The following MME variants were observed in gnomAD, a reference collection of about 807,000 sequenced individuals.
MME encodes the protein neprilysin.
In MME, 98 loss-of-function variants were observed where a neutral mutation model predicts 113.2. That is an observed-to-expected ratio of 0.87 (90% CI 0.74 to 1.02). MME has a LOEUF of 1.02. MME is among the 50% of genes least tolerant of loss of function. MME has a pLI of 0.00. For synonymous variants in MME, 292 were observed against 300.6 expected, an observed-to-expected ratio of 0.97 and a Z score of 0.30; for missense variants, 836 against 896.0, an observed-to-expected ratio of 0.93 and a Z score of 0.86.
chr3:155,092,703 G>A (rs180875344), intron 3 of MME, among the ~76,000 whole-genome samples: 12 of 152,264 alleles, frequency 7.9e-5, no homozygotes, highest in Non-Finnish European at 1.6e-4. Context: ...ATGTGCAATG[G>A]TGTAGATAAA....
Position 155,168,644 on chromosome 3 carries a change from C to T in MME, c.1914+19C>T. On this transcript the variant is annotated intron_variant, in intron 19 of 22. Transcript: ENST00000360490. ...ACAGCACGTATGTCATTAGCATTCT[C>T]TTGAAAAGTTTTAGACATGTTCAAT... 6.2e-7 allele frequency: 1 copy of T among 1,613,682 alleles called. No homozygotes were observed. The highest frequency in any genetic ancestry group is 8.5e-7 in the Non-Finnish European group (1 of 1,179,776).
At chr3:155,056,872 T>C (rs181620522) in intron 1 of MME, among the ~76,000 whole-genome samples, 2,005 of 152,132 alleles carry the variant, frequency 0.013, 44 homozygotes, top group African/African-American at 0.046. Flanking sequence ...ATAAATGGTG[T>C]TGGGAAAACT....
At chr3:155,160,238 C>T in intron 16 of MME, 152 bp from the exon 17 acceptor site, 1 of 656,818 alleles carries the variant, frequency 1.5e-6, no homozygotes, top group Non-Finnish European at 2.8e-6. Flanking sequence ...TTCAAATGAG[C>T]TCTCACCTAG....
At chr3:155,079,411 C>G (rs938759488), upstream of MME, among the ~76,000 whole-genome samples, 1 of 151,846 alleles carries the variant, frequency 6.6e-6, no homozygotes, top group Non-Finnish European at 1.5e-5. Context: ...TTGAAAGCCC[C>G]GAAGCTAAGC....
At chr3:155,044,777 A>T (rs1251552944) in intron 1 of MME, among the ~76,000 whole-genome samples, 2 of 152,192 alleles carry the variant, frequency 1.3e-5, no homozygotes, top group Non-Finnish European at 1.5e-5. Flanking sequence ...ATTATGAAAA[A>T]TTATATTAGT....
intron 3 of MME, among the ~76,000 whole-genome samples, chr3:155,105,312 G>T (rs1717596109): frequency 6.6e-6 from 1 of 152,142 alleles, no homozygotes; most frequent in Non-Finnish European, 1.5e-5. Flanking sequence ...GTCAAGAAAA[G>T]CAGTGGTTGC....
At chr3:155,157,185 C>T (rs1026349960) in intron 16 of MME, among the ~76,000 whole-genome samples, 8 of 152,156 alleles carry the variant, frequency 5.3e-5, no homozygotes, top group African/African-American at 1.9e-4. Context: ...AATAAGCTTA[C>T]CTGACAAAAT....
chr3:155,142,005 G>A lies in MME; in HGVS notation c.972G>A (p.Leu324=), dbSNP rs758072383. The A allele has an allele frequency of 1.2e-6, 2 of 1,613,578 alleles. No homozygotes were observed. The highest frequency in any genetic ancestry group is 2.2e-5 in the South Asian group (2 of 91,058). The stretch of plus-strand genomic sequence containing the variant: ...CTTTTTTCCAGCCATTCAGCTGGTT[G>A]AATTTCACAAATGAAATCATGTCAA... ...LEINGKPFSW[L]NFTNEIMSTV... Residue 324 remains leucine (L), a synonymous_variant, in exon 11 of 23, where the codon TTG becomes TTA. Coordinates refer to ENST00000360490, the MANE Select transcript of MME (RefSeq NM_007289.4).
At chr3:155,132,951 G>A (rs1048508754) in intron 8 of MME, among the ~76,000 whole-genome samples, 3 of 144,168 alleles carry the variant, frequency 2.1e-5, no homozygotes, top group African/African-American at 5.1e-5. Context: ...TAAGGCAGGA[G>A]AATCACTTGA....
chr3:155,149,216 G>T (rs1721745014), intron 16 of MME, among the ~76,000 whole-genome samples: 1 of 152,090 alleles, frequency 6.6e-6, no homozygotes, highest in Admixed American at 6.6e-5. Flanking sequence ...TATTAGTTTA[G>T]ATTTTATTTT....
intron 1 of MME, among the ~76,000 whole-genome samples, chr3:155,063,066 G>A (rs1414029440): frequency 5.6e-5 from 8 of 141,862 alleles, no homozygotes; most frequent in Non-Finnish European, 3.0e-5. Context: ...AAAGAACTAC[G>A]TCAAAACTAA....
chr3:155,178,276 T>C (rs919261736), intron 22 of MME, among the ~76,000 whole-genome samples: 2 of 152,090 alleles, frequency 1.3e-5, no homozygotes, highest in South Asian at 2.1e-4. Context: ...ACATCCTCCA[T>C]GAAAGATAGG....
intron 1 of MME, among the ~76,000 whole-genome samples, chr3:155,071,604 A>C (rs1714558830): frequency 6.6e-6 from 1 of 152,194 alleles, no homozygotes; most frequent in African/African-American, 2.4e-5. Flanking sequence ...AGGAGTGGCA[A>C]ATATCTCATT....
intron 1 of MME, among the ~76,000 whole-genome samples, chr3:155,059,555 T>C (rs568897068): frequency 1.3e-5 from 2 of 152,272 alleles, no homozygotes; most frequent in South Asian, 2.1e-4. Context: ...CCTAGGTAAC[T>C]TGCATCGAGG....
At chr3:155,044,852 A>G (rs1023907473) in intron 1 of MME, among the ~76,000 whole-genome samples, 1 of 152,150 alleles carries the variant, frequency 6.6e-6, no homozygotes, top group Non-Finnish European at 1.5e-5. Flanking sequence ...AAGAAGTAGA[A>G]TTTATTAATT....
chr3:155,062,644 C>G (rs1251813099), intron 1 of MME, among the ~76,000 whole-genome samples: 1 of 151,996 alleles, frequency 6.6e-6, no homozygotes, highest in Non-Finnish European at 1.5e-5. Context: ...TAGAACCAGG[C>G]AAGTATCCAG....
intron 17 of MME, among the ~76,000 whole-genome samples, chr3:155,162,382 A>G (rs1168439430): frequency 6.6e-6 from 1 of 152,180 alleles, no homozygotes; most frequent in Non-Finnish European, 1.5e-5. Context: ...AAAGAAGCAC[A>G]CAGAAAAAGG....
chr3:155,149,768 A>G (rs1721787552), intron 16 of MME, among the ~76,000 whole-genome samples: 1 of 152,230 alleles, frequency 6.6e-6, no homozygotes, highest in South Asian at 2.1e-4. Context: ...TGGAAATGCC[A>G]GTGCATTTTA....
At chr3:155,064,826 A>G (rs1368888074) in intron 1 of MME, among the ~76,000 whole-genome samples, 1 of 152,088 alleles carries the variant, frequency 6.6e-6, no homozygotes, top group African/African-American at 2.4e-5. Flanking sequence ...GTGCTCTAAG[A>G]TTTTCTAGGG....
Sources: allele counts gnomAD v4.1 joint callset (sites outside exome capture counted in the v4.1 genomes callset), GRCh38; gene constraint gnomAD v4.1.1; transcripts MANE v1.5; gene names NCBI Gene and HGNC (gene_info 2026-07-23, HGNC 2026-07-21).